ARHGAP28: variants seen among roughly 807,000 people sequenced by gnomAD.
The protein encoded by ARHGAP28 is Rho GTPase activating protein 28, also known as rho GTPase-activating protein 28.
Under a neutral mutation model 90.7 loss-of-function variants are expected in ARHGAP28, and 56 were observed. The ratio of observed to expected loss-of-function variants is 0.62; its 90% CI spans 0.50 to 0.77. The LOEUF (loss-of-function observed/expected upper bound fraction) is 0.77. Among genes scored for constraint, ARHGAP28 ranks in the 30% least tolerant of loss-of-function variants. The pLI is 0.00. For missense variants in ARHGAP28, 869 were observed against 900.9 expected, an observed-to-expected ratio of 0.96 and a Z score of 0.45; for synonymous variants, 308 against 323.3, an observed-to-expected ratio of 0.95 and a Z score of 0.51.
At chr18:6,830,716 AG>A (rs2056708962) in intron 2 of ARHGAP28, among the ~76,000 whole-genome samples, 1 of 152,178 alleles carries the variant, frequency 6.6e-6, no homozygotes. Flanking sequence ...TGTCTGCAAA[AG>A]CTTTGTTTCC....
chr18:6,837,103 A>G (rs1465769121), intron 2 of ARHGAP28, 94 bp from the exon 3 acceptor site: 2 of 916,928 alleles, frequency 2.2e-6, no homozygotes, highest in Non-Finnish European at 3.2e-6. Context: ...AAAAAATACA[A>G]ATATTATTTA....
intron 5 of ARHGAP28, among the ~76,000 whole-genome samples, chr18:6,865,662 A>G (rs921255198): frequency 1.3e-5 from 2 of 152,216 alleles, no homozygotes; most frequent in Non-Finnish European, 2.9e-5. Context: ...AATGTTTCGT[A>G]TGGTCTTTAT....
At chr18:6,906,433 C>T (rs2057365208) in intron 16 of ARHGAP28, among the ~76,000 whole-genome samples, 1 of 152,174 alleles carries the variant, frequency 6.6e-6, no homozygotes, top group South Asian at 2.1e-4. Context: ...TTCTCCCTGC[C>T]TTTAGCCACT....
intron 1 of ARHGAP28, among the ~76,000 whole-genome samples, chr18:6,749,578 T>C (rs957815513): frequency 6.6e-6 from 1 of 152,228 alleles, no homozygotes; most frequent in African/African-American, 2.4e-5. Context: ...CATCATGCTT[T>C]TTCACATTGT....
At position 6,876,180 on chromosome 18, in the gene ARHGAP28, G is replaced by A. The variant is rs746170150; in HGVS notation, c.1262G>A (p.Arg421Gln). The A allele has an allele frequency of 3.7e-6, 6 of 1,613,954 alleles. No homozygotes were observed. The highest frequency in any genetic ancestry group is 3.3e-5 in the South Asian group (3 of 91,060). The change falls in exon 10 of 18, where the codon CGA becomes CAA. Residue 421 changes from arginine (R) to glutamine (Q), a missense_variant. Arg to Gln is a conservative substitution (Grantham distance 43). Coordinates refer to ENST00000383472, the MANE Select transcript of ARHGAP28 (RefSeq NM_001366230.1). The part of the protein sequence containing the change: ...ESGLESEGIF[R>Q]LSGCTAKVKQ... ...GGTCTGGAATCTGAAGGAATTTTTC[G>A]ACTTTCAGGATGTACTGCTAAAGTC...
rs2057417473 is a variant in ARHGAP28 at position 6,915,416 on chromosome 18, T to G, written c.*3262T>G. ...TAAATAGTTTCTCTGACAGGCAGTT[T>G]TTAACTGTTTTCCACAAATAAAAAT... is the stretch of plus-strand genomic sequence containing the variant. On this transcript the variant is annotated 3_prime_UTR_variant, in exon 18 of 18. Transcript: ENST00000383472. 6.6e-6 allele frequency: 1 copy of G among 152,250 alleles called. No individual in the cohort carries two copies. Among genetic ancestry groups the G allele is most frequent in the South Asian group, 2.1e-4 (1 of 4,834 alleles). The allele number at this position is 152,250 out of a possible 1,614,324, so 9.4% of individuals were successfully genotyped here.
In ARHGAP28 at chr18:6,898,308, G is replaced by C. The variant is rs936789869; in HGVS notation, c.2030+1682G>C. On this transcript the variant is annotated intron_variant, in intron 16 of 17. Transcript: ENST00000383472. The stretch of plus-strand genomic sequence containing the variant: ...CTCAAACGTTTTTTTTCTCCTTTTG[G>C]TATTAGATTATATGATGTGTTCACT... The C allele has an allele frequency of 7.9e-6, 4 of 506,568 alleles. No individual in the cohort carries two copies. The South Asian group carries it at 1.7e-4, about 22-fold the overall frequency. 31.4% of individuals were successfully genotyped at this position (506,568 alleles called of 1,614,324 possible).
intron 15 of ARHGAP28, among the ~76,000 whole-genome samples, chr18:6,895,337 G>A (rs1600298424): frequency 6.6e-6 from 1 of 152,198 alleles, no homozygotes; most frequent in African/African-American, 2.4e-5. Flanking sequence ...TGCTGGTAAT[G>A]TTAGGAGAAT....
intron 16 of ARHGAP28, 198 bp downstream of exon 16, chr18:6,896,824 A>C: frequency 1.9e-6 from 1 of 539,344 alleles, no homozygotes; most frequent in Non-Finnish European, 3.1e-6. Flanking sequence ...GTTGTTTTTC[A>C]AAGGAATTTC....
chr18:6,844,166 A>G (rs2056848286), intron 3 of ARHGAP28, among the ~76,000 whole-genome samples: 1 of 152,244 alleles, frequency 6.6e-6, no homozygotes, highest in African/African-American at 2.4e-5. Flanking sequence ...ATATAAATAT[A>G]TAGTATGCTG....
chr18:6,869,240 T>C, intron 6 of ARHGAP28, among the ~76,000 whole-genome samples: 1 of 148,418 alleles, frequency 6.7e-6, no homozygotes, highest in African/African-American at 2.5e-5. Context: ...ATCATAGCTC[T>C]CCTTTTGCCA....
intron 4 of ARHGAP28, 134 bp downstream of exon 4, chr18:6,851,260 C>G: frequency 1.3e-6 from 1 of 751,048 alleles, no homozygotes; most frequent in Non-Finnish European, 2.2e-6. Context: ...CACTTATCTA[C>G]CTTAGGTGAT....
At chr18:6,826,203 T>C (rs1430819618) in intron 2 of ARHGAP28, among the ~76,000 whole-genome samples, 3 of 152,066 alleles carry the variant, frequency 2.0e-5, no homozygotes, top group African/African-American at 7.2e-5. Context: ...AGTTTGGTTT[T>C]GATTTGCATT....
At chr18:6,847,602 C>T (rs1292344290) in intron 3 of ARHGAP28, among the ~76,000 whole-genome samples, 4 of 141,344 alleles carry the variant, frequency 2.8e-5, no homozygotes, top group Admixed American at 7.5e-5. Flanking sequence ...TAGATAATCA[C>T]GAAAGGATGA....
intron 7 of ARHGAP28, among the ~76,000 whole-genome samples, chr18:6,871,660 C>T (rs2143531972): frequency 6.6e-6 from 1 of 152,218 alleles, no homozygotes; most frequent in East Asian, 1.9e-4. Context: ...TTGTGGAGTC[C>T]TGAATACTCT....
intron 5 of ARHGAP28, among the ~76,000 whole-genome samples, chr18:6,864,107 C>T (rs369899190): frequency 3.3e-5 from 5 of 151,964 alleles, no homozygotes; most frequent in African/African-American, 1.2e-4. Context: ...GCTCTGTCAC[C>T]CAGGCTGGAG....
intron 1 of ARHGAP28, among the ~76,000 whole-genome samples, chr18:6,802,616 G>C (rs2143635328): frequency 6.6e-6 from 1 of 152,188 alleles, no homozygotes; most frequent in South Asian, 2.1e-4. Flanking sequence ...CAAAATGCTA[G>C]AATTACAGGC....
Position 6,894,827 on chromosome 18 carries a change from TC to T in ARHGAP28, c.1849-7del, listed in dbSNP as rs1216140224. On this transcript the variant is annotated splice_polypyrimidine_tract_variant and splice_region_variant and intron_variant, in intron 14 of 17. Transcript: ENST00000383472. ...CAACATTACTCCTAAAGACTGTGTTTCTTTTAGACTGCAAGCCCCAAGACTT... is the reference window on the plus strand; with the variant it reads ...CAACATTACTCCTAAAGACTGTGTTTTTTTAGACTGCAAGCCCCAAGACTT... 6.2e-7 allele frequency: 1 copy of T among 1,613,732 alleles called. No individual in the cohort carries two copies. The highest frequency in any genetic ancestry group is 1.7e-5 in the Admixed American group (1 of 60,008).
intron 3 of ARHGAP28, among the ~76,000 whole-genome samples, chr18:6,847,706 T>G (rs1260245565): frequency 2.6e-5 from 4 of 152,136 alleles, no homozygotes; most frequent in African/African-American, 9.6e-5. Context: ...GTAAAATATA[T>G]TAGCTTAAAT....
Sources: gnomAD v4.1 joint callset for allele counts (sites outside exome capture counted in the v4.1 genomes callset) on GRCh38, gnomAD v4.1.1 for gene constraint, MANE v1.5 for transcripts, NCBI Gene and HGNC (gene_info 2026-07-23, HGNC 2026-07-21) for gene names.